The following ENPP2 variants were observed in gnomAD, a reference collection of about 807,000 sequenced individuals.
The protein encoded by ENPP2 is ectonucleotide pyrophosphatase/phosphodiesterase 2, also known as autotaxin.
ENPP2 carries 51 observed loss-of-function variants against 120.2 expected under a neutral mutation model. The ratio of observed to expected loss-of-function variants is 0.42; its 90% CI spans 0.34 to 0.54. The LOEUF is 0.54. ENPP2 is among the 20% of genes least tolerant of loss of function. The pLI, the probability that ENPP2 is intolerant of heterozygous loss-of-function variation, is 0.04. For synonymous variants in ENPP2, 365 were observed against 366.4 expected (o/e 1.00, Z 0.04); for missense variants, 920 against 1,066.5 (o/e 0.86, Z 1.91).
At position 119,638,456 on chromosome 8, in the gene ENPP2, T is replaced by C; in HGVS notation, c.105A>G (p.Arg35=). The part of the protein sequence containing the change: ...CLGFTAHRIK[R]AEGWEEGPPT... ...GAGGACCTTCCTCCCATCCTTCTGC[T>C]CTCTTAATTCGATGTGCAGTGAATC... The change falls in exon 2 of 25, where the codon AGA becomes AGG. Residue 35 remains arginine (R), a synonymous_variant. Transcript: ENST00000075322. The C allele has an allele frequency of 1.2e-6, 2 of 1,608,272 alleles. No homozygotes were observed. Among genetic ancestry groups the C allele is most frequent in the Non-Finnish European group, 1.7e-6 (2 of 1,174,606 alleles).
intron 19 of ENPP2, among the ~76,000 whole-genome samples, chr8:119,577,788 G>A (rs1812446170): frequency 6.6e-6 from 1 of 152,072 alleles, no homozygotes; most frequent in Non-Finnish European, 1.5e-5. Flanking sequence ...CCAGCCCAGT[G>A]TCAGTATTCA....
chr8:119,562,773 T>G, intron 24 of ENPP2, 84 bp downstream of exon 24: 1 of 1,301,146 alleles, frequency 7.7e-7, no homozygotes, highest in Non-Finnish European at 1.1e-6. Flanking sequence ...ATAAGTATGT[T>G]CTAGTTCAAT....
intron 18 of ENPP2, chr8:119,580,967 T>C (rs1812691836): frequency 6.6e-6 from 1 of 152,132 alleles, no homozygotes; most frequent in African/African-American, 2.4e-5. Flanking sequence ...CTTCATACGT[T>C]ATTTAATAAA....
At chr8:119,623,176 ATATTAC>A (rs1816026018) in intron 3 of ENPP2, among the ~76,000 whole-genome samples, 1 of 152,094 alleles carries the variant, frequency 6.6e-6, no homozygotes, top group African/African-American at 2.4e-5. Context: ...TAATAAAGAG[ATATTAC>A]GGGCCAGGCT....
At chr8:119,629,798 A>AT (rs1199816991) in intron 2 of ENPP2, among the ~76,000 whole-genome samples, 1 of 152,176 alleles carries the variant, frequency 6.6e-6, no homozygotes, top group Non-Finnish European at 1.5e-5. Context: ...AAAACAAAAA[A>AT]AAAATTACAA....
intron 19 of ENPP2, chr8:119,571,281 C>G (rs977550759): frequency 6.6e-6 from 1 of 152,574 alleles, no homozygotes; most frequent in Non-Finnish European, 1.5e-5. Flanking sequence ...TATATGCATA[C>G]AGCAACTCAA....
At chr8:119,597,689 G>T (rs1813995644) in intron 11 of ENPP2, among the ~76,000 whole-genome samples, 1 of 152,072 alleles carries the variant, frequency 6.6e-6, no homozygotes, top group Admixed American at 6.6e-5. Context: ...CACAGAAAAA[G>T]CATAGAAGGT....
chr8:119,577,376 C>T (rs1306824334), intron 19 of ENPP2, among the ~76,000 whole-genome samples: 1 of 152,098 alleles, frequency 6.6e-6, no homozygotes, highest in East Asian at 1.9e-4. Flanking sequence ...GTAGGGCAGA[C>T]ACTGAATATT....
intron 9 of ENPP2, among the ~76,000 whole-genome samples, chr8:119,607,628 T>C (rs936241295): frequency 3.3e-5 from 5 of 151,026 alleles, no homozygotes; most frequent in African/African-American, 9.8e-5. Flanking sequence ...TGAGCCAAGA[T>C]TGCGCCACTG....
At position 119,598,008 on chromosome 8, in the gene ENPP2, TA is replaced by T. The variant is rs200243606; in HGVS notation, c.972+2669del. Among the ~76,000 whole-genome samples the T allele has an allele frequency of 5.6e-3, 853 of 152,358 alleles. 7 individuals are homozygous for T. The highest frequency in any genetic ancestry group is 0.019 in the African/African-American group (782 of 41,588). On this transcript the variant is annotated intron_variant, in intron 11 of 24. Transcript: ENST00000075322. ...AAAAGATACGTTACTGATTTTAAAATAATCTTTCAACTAGTATGTTATAATC... is the reference window on the plus strand; with the variant it reads ...AAAAGATACGTTACTGATTTTAAAATATCTTTCAACTAGTATGTTATAATC...
intron 19 of ENPP2, among the ~76,000 whole-genome samples, chr8:119,575,710 C>A (rs1393915970): frequency 6.6e-6 from 1 of 152,134 alleles, no homozygotes; most frequent in Non-Finnish European, 1.5e-5. Context: ...TGTTTACAGG[C>A]AAAATATGTG....
At chr8:119,593,247 G>A (rs1032422817) in intron 12 of ENPP2, among the ~76,000 whole-genome samples, 4 of 152,104 alleles carry the variant, frequency 2.6e-5, no homozygotes, top group East Asian at 1.9e-4. Context: ...AGGGCCTTCC[G>A]GTTTGGACCT....
At chr8:119,605,430 ATGTGTG>A (rs573767269) in intron 9 of ENPP2, among the ~76,000 whole-genome samples, 17 of 133,816 alleles carry the variant, frequency 1.3e-4, no homozygotes, top group South Asian at 5.1e-4. Context: ...GATACCATAT[ATGTGTG>A]TGTGTGTGTG....
At chr8:119,572,019 C>G in intron 19 of ENPP2, 2 of 574,470 alleles carry the variant, frequency 3.5e-6, no homozygotes, top group African/African-American at 1.9e-5. Context: ...CTTAGTTAAG[C>G]TGCCAAATTT....
intron 20 of ENPP2, 39 bp downstream of exon 20, chr8:119,570,666 A>T: frequency 8.5e-7 from 1 of 1,180,724 alleles, no homozygotes; most frequent in Non-Finnish European, 1.2e-6. Flanking sequence ...TGAGGAATGT[A>T]ATAAAATAAA....
chr8:119,663,575 C>G (rs1252158858), intron 1 of ENPP2, among the ~76,000 whole-genome samples: 1 of 152,114 alleles, frequency 6.6e-6, no homozygotes, highest in East Asian at 1.9e-4. Context: ...ATCTGGGAAC[C>G]ACTGGTTTTA....
At chr8:119,654,155 CTATA>C (rs1817703414) in intron 1 of ENPP2, among the ~76,000 whole-genome samples, 1 of 139,902 alleles carries the variant, frequency 7.1e-6, no homozygotes, top group Non-Finnish European at 1.5e-5. Flanking sequence ...ATATAAGTAT[CTATA>C]TATAATATTA....
intron 11 of ENPP2, 71 bp from the exon 12 acceptor site, chr8:119,593,931 T>C (rs549051229): frequency 3.4e-6 from 3 of 886,056 alleles, no homozygotes; most frequent in South Asian, 1.3e-5. Flanking sequence ...ATAGATCTTC[T>C]ACCCCTAGAA....
At chr8:119,615,377 C>G (rs1374957306) in intron 8 of ENPP2, among the ~76,000 whole-genome samples, 1 of 152,132 alleles carries the variant, frequency 6.6e-6, no homozygotes, top group Non-Finnish European at 1.5e-5. Flanking sequence ...TACTTCTGGC[C>G]AGAAGCTTGT....
Sources: gnomAD v4.1 joint callset for allele counts (sites outside exome capture counted in the v4.1 genomes callset) on GRCh38, gnomAD v4.1.1 for gene constraint, MANE v1.5 for transcripts, NCBI Gene and HGNC (gene_info 2026-07-23, HGNC 2026-07-21) for gene names.